The following ADAMTS6 variants were observed in gnomAD, a reference collection of about 807,000 sequenced individuals.
ADAMTS6 encodes A disintegrin and metalloproteinase with thrombospondin motifs 6.
A neutral mutation model predicts 144.3 loss-of-function variants in ADAMTS6; 23 were observed. The observed-to-expected ratio is 0.16, with a 90% CI of 0.11 to 0.23. ADAMTS6 has a LOEUF of 0.23. Among genes scored for constraint, ADAMTS6 ranks in the 10% least tolerant of loss-of-function variants. The pLI, the probability that ADAMTS6 is intolerant of heterozygous loss-of-function variation, is 1.00. For missense variants in ADAMTS6, 999 were observed against 1,379.6 expected (o/e 0.72, Z 4.37); for synonymous variants, 444 against 457.5 (o/e 0.97, Z 0.38).
intron 12 of ADAMTS6, among the ~76,000 whole-genome samples, chr5:65,263,333 CT>C (rs1233614113): frequency 6.7e-6 from 1 of 149,520 alleles, no homozygotes; most frequent in African/African-American, 2.5e-5. Flanking sequence ...TTATATTTCA[CT>C]ATTATTAGAC....
chr5:65,284,052 G>T (rs148312187), intron 11 of ADAMTS6, among the ~76,000 whole-genome samples: 4 of 152,092 alleles, frequency 2.6e-5, no homozygotes, highest in Admixed American at 6.6e-5. Context: ...TAAAAAAGTT[G>T]TATAGGTGGC....
At chr5:65,260,575 C>T in intron 14 of ADAMTS6, 25 bp downstream of exon 14, 1 of 1,605,926 alleles carries the variant, frequency 6.2e-7, no homozygotes, top group Non-Finnish European at 8.5e-7. Context: ...GCTAATTTTT[C>T]ATAACAGAGT....
Position 65,373,087 on chromosome 5 carries a change from C to G in ADAMTS6, c.1074-39002G>C, listed in dbSNP as rs557702568. ...GAACAAAGACACAACATACCAGAAT[C>G]TCTGGGACGTATTCAAAGCAGTGTG... On this transcript the variant is annotated intron_variant, in intron 7 of 24. Transcript: ENST00000381055. Among the ~76,000 whole-genome samples, 3 of 152,138 alleles carry G rather than the reference C, an allele frequency of 2.0e-5. No homozygotes were observed. In the South Asian group the frequency reaches 6.2e-4, roughly 32 times the overall value.
chr5:65,227,380 T>C (rs1019186616), intron 15 of ADAMTS6, among the ~76,000 whole-genome samples: 2 of 106,236 alleles, frequency 1.9e-5, no homozygotes, highest in Non-Finnish European at 4.0e-5. Context: ...TGTGGACTTG[T>C]TGTATTAAAA....
intron 7 of ADAMTS6, among the ~76,000 whole-genome samples, chr5:65,427,411 C>T (rs895420163): frequency 6.6e-6 from 1 of 152,030 alleles, no homozygotes; most frequent in Non-Finnish European, 1.5e-5. Flanking sequence ...TCAAGGGATC[C>T]TCCCACCTCA....
chr5:65,371,282 A>G (rs1750881663), intron 7 of ADAMTS6, among the ~76,000 whole-genome samples: 2 of 152,240 alleles, frequency 1.3e-5, no homozygotes, highest in African/African-American at 4.8e-5. Flanking sequence ...AATGACTTTG[A>G]CGAGCTGAGA....
At chr5:65,345,272 C>A (rs568757945) in intron 7 of ADAMTS6, among the ~76,000 whole-genome samples, 2 of 150,384 alleles carry the variant, frequency 1.3e-5, no homozygotes, top group Non-Finnish European at 3.0e-5. Flanking sequence ...TCACAGAAAA[C>A]GAAAACCCTA....
intron 18 of ADAMTS6, among the ~76,000 whole-genome samples, chr5:65,222,418 G>C (rs973922883): frequency 6.6e-5 from 10 of 152,112 alleles, no homozygotes; most frequent in Admixed American, 6.6e-4. Flanking sequence ...TGAAAAAATG[G>C]AACATCAACC....
At chr5:65,425,727 G>A (rs976105734) in intron 7 of ADAMTS6, among the ~76,000 whole-genome samples, 27 of 151,504 alleles carry the variant, frequency 1.8e-4, no homozygotes, top group Non-Finnish European at 2.2e-4. Context: ...CCTAAAAGAA[G>A]AAAGACAAAT....
chr5:65,478,539 C>T (rs1178993345), intron 1 of ADAMTS6, among the ~76,000 whole-genome samples: 1 of 152,132 alleles, frequency 6.6e-6, no homozygotes, highest in Non-Finnish European at 1.5e-5. Flanking sequence ...TTACATATGA[C>T]GTAAAGTGTC....
At chr5:65,443,275 C>T (rs988314306) in intron 7 of ADAMTS6, among the ~76,000 whole-genome samples, 5 of 152,210 alleles carry the variant, frequency 3.3e-5, no homozygotes, top group African/African-American at 7.2e-5. Flanking sequence ...TATCTAACTA[C>T]ATTAAAAGAA....
At chr5:65,341,820 GA>G (rs1286557665) in intron 7 of ADAMTS6, among the ~76,000 whole-genome samples, 2 of 152,148 alleles carry the variant, frequency 1.3e-5, no homozygotes, top group Non-Finnish European at 2.9e-5. Context: ...GAAGCAGAGA[GA>G]AATCTTTCCT....
chr5:65,264,848 A>C (rs935183091), intron 12 of ADAMTS6, among the ~76,000 whole-genome samples: 1 of 152,126 alleles, frequency 6.6e-6, no homozygotes, highest in Non-Finnish European at 1.5e-5. Context: ...AATTTATTAG[A>C]TTAATTAATT....
At chr5:65,200,791 T>A (rs1469991301) in intron 20 of ADAMTS6, among the ~76,000 whole-genome samples, 1 of 152,194 alleles carries the variant, frequency 6.6e-6, no homozygotes, top group Non-Finnish European at 1.5e-5. Flanking sequence ...AAGTTAATTA[T>A]AAGAGATGAT....
chr5:65,403,050 C>A (rs1392380460), intron 7 of ADAMTS6, among the ~76,000 whole-genome samples: 18 of 152,064 alleles, frequency 1.2e-4, no homozygotes, highest in Admixed American at 2.6e-4. Context: ...TCAATAGCTC[C>A]ATCCCTCCTA....
At position 65,220,935 on chromosome 5, in the gene ADAMTS6, T is replaced by C. The variant is rs148636995; in HGVS notation, c.2272+3385A>G. 3.3e-3 allele frequency among the ~76,000 whole-genome samples: 506 copies of C among 152,300 alleles called. 2 individuals carry two copies. Among genetic ancestry groups the C allele is most frequent in the African/African-American group, 0.012 (487 of 41,562 alleles). ...GAGCCATTGTTACAGATCCTACAGA[T>C]ATTAAAAAGATAATAAGAAAATATT... On this transcript the variant is annotated intron_variant, in intron 18 of 24. Coordinates refer to ENST00000381055, the MANE Select transcript of ADAMTS6 (RefSeq NM_197941.4).
At chr5:65,318,203 G>C (rs1009424180) in intron 9 of ADAMTS6, among the ~76,000 whole-genome samples, 1 of 151,940 alleles carries the variant, frequency 6.6e-6, no homozygotes. Flanking sequence ...CAGTTAAAAT[G>C]GCTTATATCC....
intron 7 of ADAMTS6, among the ~76,000 whole-genome samples, chr5:65,351,141 T>C (rs1399200728): frequency 1.3e-5 from 2 of 152,234 alleles, no homozygotes; most frequent in African/African-American, 2.4e-5. Flanking sequence ...GCCATATTTC[T>C]TTCCAATTCC....
chr5:65,420,185 C>T (rs777986944), intron 7 of ADAMTS6, among the ~76,000 whole-genome samples: 2 of 152,280 alleles, frequency 1.3e-5, no homozygotes, highest in Admixed American at 6.5e-5. Context: ...AACTTACTCA[C>T]TATCATGAGA....
Sources: gnomAD v4.1 joint callset for allele counts (sites outside exome capture counted in the v4.1 genomes callset) on GRCh38, gnomAD v4.1.1 for gene constraint, MANE v1.5 for transcripts, NCBI Gene and HGNC (gene_info 2026-07-23, HGNC 2026-07-21) for gene names.